Variants in AFF1 observed in about 807,000 individuals in gnomAD.
AFF1 encodes the protein AF4/FMR2 family member 1.
AFF1 carries 48 observed loss-of-function variants against 121.7 expected under a neutral mutation model. That is an observed-to-expected ratio of 0.39 (90% confidence interval 0.31 to 0.50). The LOEUF is 0.50. Among genes scored for constraint, AFF1 ranks in the 20% least tolerant of loss-of-function variants. AFF1 has a pLI of 0.76. For synonymous variants in AFF1, 613 were observed against 563.0 expected, an observed-to-expected ratio of 1.09 and a Z score of -1.26; for missense variants, 1,523 against 1,511.7, an observed-to-expected ratio of 1.01 and a Z score of -0.12.
chr4:87,039,233 C>A (rs1321572913), intron 2 of AFF1, among the ~76,000 whole-genome samples: 1 of 152,174 alleles, frequency 6.6e-6, no homozygotes, highest in Non-Finnish European at 1.5e-5. Context: ...CTCACTAATC[C>A]TTACAGAGTT....
intron 6 of AFF1, 93 bp downstream of exon 6, chr4:87,090,163 C>G (rs1043806354): frequency 3.0e-5 from 31 of 1,028,836 alleles, no homozygotes; most frequent in Non-Finnish European, 4.2e-5. Context: ...ATTACTTGTT[C>G]AAATCTTTGG....
chr4:87,000,530 G>A (rs529946380), intron 2 of AFF1, among the ~76,000 whole-genome samples: 1 of 152,164 alleles, frequency 6.6e-6, no homozygotes, highest in South Asian at 2.1e-4. Context: ...CTGGCTGGGT[G>A]GGGGTATAAT....
chr4:87,050,421 T>C (rs1190856417), intron 4 of AFF1, among the ~76,000 whole-genome samples: 1 of 152,202 alleles, frequency 6.6e-6, no homozygotes, highest in Admixed American at 6.5e-5. Context: ...TGAACCCAAA[T>C]TGGAAAGTCA....
chr4:86,985,214 TAA>T lies in AFF1; in HGVS notation c.38+36646_38+36647del, dbSNP rs1553912863. On this transcript the variant is annotated intron_variant, in intron 2 of 20. Transcript: ENST00000395146. ...ATATATATATATATATATATATATA[TAA>T]AATTATATTTTAGGCCGGGCAGAGG... Among the ~76,000 whole-genome samples the T allele has an allele frequency of 5.7e-5, 6 of 104,558 alleles. No individual in the cohort carries two copies. The South Asian group carries it at 8.4e-4, about 15-fold the overall frequency. 68.6% of individuals were successfully genotyped at this position (104,558 alleles called of 152,430 possible).
chr4:87,028,069 A>G lies in AFF1; in HGVS notation c.39-18097A>G, dbSNP rs550196224. The stretch of plus-strand genomic sequence containing the variant: ...AGTAGTGCTAAATGCCAGTGTTCCA[A>G]AATCCAAAAAAAAGAAAAAAAATTG... On this transcript the variant is annotated intron_variant, in intron 2 of 20. Coordinates refer to ENST00000395146, the MANE Select transcript of AFF1 (RefSeq NM_001166693.3). Among the ~76,000 whole-genome samples, 55 of 152,200 alleles carry G rather than the reference A, an allele frequency of 3.6e-4. 1 individual carries two copies. Among genetic ancestry groups the G allele is most frequent in the African/African-American group, 1.3e-3 (54 of 41,546 alleles).
intron 2 of AFF1, among the ~76,000 whole-genome samples, chr4:87,025,377 G>C (rs1351503089): frequency 1.3e-5 from 2 of 152,244 alleles, no homozygotes; most frequent in African/African-American, 4.8e-5. Context: ...AAGGCTTAGA[G>C]AGTGTATGGC....
chr4:87,016,835 T>G (rs1727348763), intron 2 of AFF1, among the ~76,000 whole-genome samples: 1 of 152,156 alleles, frequency 6.6e-6, no homozygotes, highest in African/African-American at 2.4e-5. Flanking sequence ...TGCATCTGAC[T>G]CTCTTTACTT....
chr4:86,937,756 A>T (rs6419117), intron 1 of AFF1, among the ~76,000 whole-genome samples: 35,654 of 130,514 alleles, frequency 0.27, 4,806 homozygotes, highest in African/African-American at 0.39. Context: ...TAATTTAAAA[A>T]ATCTTTTGGT....
intron 2 of AFF1, among the ~76,000 whole-genome samples, chr4:87,021,964 A>G (rs1208502149): frequency 6.6e-6 from 1 of 152,226 alleles, no homozygotes; most frequent in Non-Finnish European, 1.5e-5. Context: ...GCACTTTGGG[A>G]GGCCGAGGCC....
intron 4 of AFF1, among the ~76,000 whole-genome samples, chr4:87,065,937 A>G (rs2149664928): frequency 6.6e-6 from 1 of 152,296 alleles, no homozygotes; most frequent in East Asian, 1.9e-4. Flanking sequence ...TTTTATGATG[A>G]TAACTTTTAA....
chr4:87,044,383 C>T (rs1474619645), intron 2 of AFF1, among the ~76,000 whole-genome samples: 1 of 151,990 alleles, frequency 6.6e-6, no homozygotes, highest in Admixed American at 6.6e-5. Flanking sequence ...GCTTTAGCAC[C>T]AAGAGAGGTG....
At chr4:87,011,513 G>A (rs937597284) in intron 2 of AFF1, among the ~76,000 whole-genome samples, 1 of 152,156 alleles carries the variant, frequency 6.6e-6, no homozygotes, top group Admixed American at 6.5e-5. Context: ...TTTTGAGCTA[G>A]TGATTACCTT....
intron 2 of AFF1, among the ~76,000 whole-genome samples, chr4:86,966,160 A>G (rs1026487762): frequency 2.6e-5 from 4 of 151,346 alleles, no homozygotes; most frequent in Admixed American, 2.0e-4. Context: ...CATCTTACCC[A>G]CACACATACC....
At chr4:86,955,099 A>AT (rs1256400055) in intron 2 of AFF1, among the ~76,000 whole-genome samples, 1 of 152,076 alleles carries the variant, frequency 6.6e-6, no homozygotes, top group Non-Finnish European at 1.5e-5. Flanking sequence ...TTGGTTTTAA[A>AT]TTATCCAGAT....
At position 86,954,007 on chromosome 4, in the gene AFF1, G is replaced by A. The variant is rs528705478; in HGVS notation, c.38+5436G>A. On this transcript the variant is annotated intron_variant, in intron 2 of 20. Coordinates refer to ENST00000395146, the MANE Select transcript of AFF1 (RefSeq NM_001166693.3). ...ATTACAGGCGTGAGCCACCGTGCCC[G>A]GCCTAGTTCAGTGCATTTTCATAAA... Among the ~76,000 whole-genome samples the A allele has an allele frequency of 2.6e-5, 4 of 152,152 alleles. No individual in the cohort carries two copies. In the South Asian group the frequency reaches 6.2e-4, roughly 24 times the overall value.
intron 8 of AFF1, among the ~76,000 whole-genome samples, chr4:87,104,855 T>G (rs1018758178): frequency 6.7e-6 from 1 of 148,202 alleles, no homozygotes; most frequent in African/African-American, 2.5e-5. Flanking sequence ...AATCCAAGTT[T>G]GAGGAAATTT....
chr4:87,098,993 A>G (rs1725150023), intron 8 of AFF1, among the ~76,000 whole-genome samples: 1 of 152,222 alleles, frequency 6.6e-6, no homozygotes, highest in Admixed American at 6.5e-5. Context: ...TGTTTATTGT[A>G]ATATAAAATT....
intron 4 of AFF1, among the ~76,000 whole-genome samples, chr4:87,081,307 A>G (rs980277482): frequency 2.6e-5 from 4 of 151,666 alleles, no homozygotes; most frequent in African/African-American, 9.7e-5. Flanking sequence ...GACTACAGGC[A>G]TCCGCCACCA....
At position 87,132,251 on chromosome 4, in the gene AFF1, A is replaced by G; in HGVS notation, c.3174-20A>G. The G allele has an allele frequency of 6.2e-7, 1 of 1,604,864 alleles. No individual in the cohort carries two copies. The highest frequency in any genetic ancestry group is 8.5e-7 in the Non-Finnish European group (1 of 1,175,186). On this transcript the variant is annotated intron_variant, in intron 18 of 20. Coordinates refer to ENST00000395146, the MANE Select transcript of AFF1 (RefSeq NM_001166693.3). ...TAGTATGATAGTCACGTGCAGTTTC[A>G]CTTCTGTCTTTGTTCATAGCATGCG... is the stretch of plus-strand genomic sequence containing the variant.
Sources: gnomAD v4.1 joint callset for allele counts (sites outside exome capture counted in the v4.1 genomes callset) on GRCh38, gnomAD v4.1.1 for gene constraint, MANE v1.5 for transcripts, NCBI Gene and HGNC (gene_info 2026-07-23, HGNC 2026-07-21) for gene names.